The following WNK1 variants were observed in gnomAD, a reference collection of about 807,000 sequenced individuals.
WNK1 encodes the protein serine/threonine-protein kinase WNK1.
WNK1 carries 38 observed loss-of-function variants against 222.8 expected under a neutral mutation model. The ratio of observed to expected loss-of-function variants is 0.17; its 90% confidence interval spans 0.13 to 0.22. WNK1 has a LOEUF of 0.22. WNK1 is among the 10% of genes least tolerant of loss of function. The probability of loss-of-function intolerance (pLI) is 1.00; values close to 1 mark genes in which losing one functional copy is unlikely to be tolerated. For missense variants in WNK1, 2,348 were observed against 2,918.4 expected, an observed-to-expected ratio of 0.80 and a Z score of 4.50; for synonymous variants, 1,090 against 1,092.9, an observed-to-expected ratio of 1.00 and a Z score of 0.05.
Position 896,066 on chromosome 12 carries a change from A to T in WNK1, c.5584-5A>T. The T allele has an allele frequency of 1.2e-6, 2 of 1,614,110 alleles. No individual in the cohort carries two copies. The highest frequency in any genetic ancestry group is 1.7e-6 in the Non-Finnish European group (2 of 1,180,012). On this transcript the variant is annotated splice_region_variant and splice_polypyrimidine_tract_variant and intron_variant, in intron 23 of 27. Coordinates refer to ENST00000315939, the MANE Select transcript of WNK1 (RefSeq NM_018979.4). ...AAGTTTTTAATCTTTGTCCTTTTTTATCAGGTTTCTGTTGCAGCAGACGGT... is the reference window on the plus strand; with the variant it reads ...AAGTTTTTAATCTTTGTCCTTTTTTTTCAGGTTTCTGTTGCAGCAGACGGT...
rs545235475 is a variant in WNK1 at position 845,117 on chromosome 12, G to C, written c.1312-12044G>C. On this transcript the variant is annotated intron_variant, in intron 4 of 27. Transcript: ENST00000315939. ...TCACCGTTTTAGCCGGGATGGTCTC[G>C]ATCTCCTGACCTCGTGATCCGCCCG... Among the ~76,000 whole-genome samples the C allele has an allele frequency of 3.3e-5, 5 of 151,400 alleles. No homozygotes were observed. In the South Asian group the frequency reaches 1.0e-3, roughly 32 times the overall value.
intron 19 of WNK1, 71 bp from the exon 20 acceptor site, chr12:887,150 G>A: frequency 7.6e-7 from 1 of 1,318,210 alleles, no homozygotes; most frequent in Non-Finnish European, 1.1e-6. Context: ...CAAATTAGTT[G>A]ATTTGCTCTT....
At chr12:797,600 C>G (rs1945436450) in intron 1 of WNK1, among the ~76,000 whole-genome samples, 1 of 152,094 alleles carries the variant, frequency 6.6e-6, no homozygotes, top group Non-Finnish European at 1.5e-5. Flanking sequence ...CAAATGCAGA[C>G]AGGTTCTACT....
At position 879,891 on chromosome 12, in the gene WNK1, A is replaced by T. The variant is rs777908830; in HGVS notation, c.2692A>T (p.Thr898Ser). The stretch of plus-strand genomic sequence containing the variant: ...AACTGTGGTTCCTAGTCAGCTTCCA[A>T]CCCTTCTGCAGCCTGTGACTCAGCT... ...VSTVVPSQLP[T>S]LLQPVTQLPS... The change falls in exon 11 of 28, where the codon ACC becomes TCC. Residue 898 changes from threonine to serine, a missense_variant. Thr to Ser is a moderately conservative substitution (Grantham distance 58, BLOSUM62 1). This residue lies in a region of WNK1 where 547 missense variants were observed against 558.3 expected (regional missense o/e 0.98). Coordinates refer to ENST00000315939, the MANE Select transcript of WNK1 (RefSeq NM_018979.4). The T allele has an allele frequency of 3.0e-5, 48 of 1,613,686 alleles. No individual in the cohort carries two copies. Among genetic ancestry groups the T allele is most frequent in the Non-Finnish European group, 4.0e-5 (47 of 1,179,950 alleles).
chr12:891,991 T>A (rs1169564053), intron 22 of WNK1, among the ~76,000 whole-genome samples: 1 of 151,074 alleles, frequency 6.6e-6, no homozygotes, highest in Non-Finnish European at 1.5e-5. Context: ...GCCACAGTTA[T>A]GAATATCTTA....
In WNK1 at chr12:867,939, A is replaced by G. The variant is rs894246062; in HGVS notation, c.2140-3326A>G. 2 of 1,613,870 alleles carry G rather than the reference A, an allele frequency of 1.2e-6. No individual in the cohort carries two copies. Among genetic ancestry groups the G allele is most frequent in the African/African-American group, 2.7e-5 (2 of 74,902 alleles). ...TCACAGATATTTTTCCCAACTATTC[A>G]TGAACGTCCAGTTTCTTTTTCACCA... On this transcript the variant is annotated intron_variant, in intron 8 of 27. Coordinates refer to ENST00000315939, the MANE Select transcript of WNK1 (RefSeq NM_018979.4).
rs1591982296 is a variant in WNK1 at position 845,462 on chromosome 12, G to A, written c.1312-11699G>A. ...AGTAAACCACTCTCCCCCTTCTGTA[G>A]ATTTAGTACTAACTTAGAAAAAGGA... is the stretch of plus-strand genomic sequence containing the variant. On this transcript the variant is annotated intron_variant, in intron 4 of 27. Transcript: ENST00000315939. Among the ~76,000 whole-genome samples the A allele has an allele frequency of 2.0e-5, 3 of 152,208 alleles. No individual in the cohort carries two copies. In the South Asian group the frequency reaches 6.2e-4, roughly 32 times the overall value.
rs539400499 is a variant in WNK1, at chr12:879,455, T to G, written c.2374-118T>G. On this transcript the variant is annotated intron_variant, in intron 10 of 27. Coordinates refer to ENST00000315939, the MANE Select transcript of WNK1 (RefSeq NM_018979.4). ...GTTTTGTTGGTTTGGTGTTTTTTTT[T>G]TTGTTTGTTTTTTCCTTCTTTTTGG... The G allele has an allele frequency of 3.9e-3, 2,776 of 708,508 alleles. 67 individuals are homozygous for G. The highest frequency in any genetic ancestry group is 5.0e-3 in the Non-Finnish European group (2,237 of 448,516). 43.9% of individuals were successfully genotyped at this position (708,508 alleles called of 1,614,324 possible). A position where few individuals can be genotyped will look rare whatever the true frequency, so the allele number is the denominator to read the frequency against.
intron 4 of WNK1, chr12:851,843 T>C: frequency 8.2e-7 from 1 of 1,212,384 alleles, no homozygotes; most frequent in African/African-American, 1.6e-5. Context: ...GTGATATTGG[T>C]AGAAAGTTTC....
chr12:834,784 G>A (rs1158400803), intron 4 of WNK1, among the ~76,000 whole-genome samples: 1 of 152,022 alleles, frequency 6.6e-6, no homozygotes, highest in African/African-American at 2.4e-5. Flanking sequence ...ATCTTCTTGG[G>A]GGGGTGTGTA....
intron 8 of WNK1, among the ~76,000 whole-genome samples, chr12:862,949 C>A (rs1252078380): frequency 6.6e-6 from 1 of 152,194 alleles, no homozygotes; most frequent in Non-Finnish European, 1.5e-5. Flanking sequence ...TACACATACA[C>A]ACACACAATT....
In WNK1 at chr12:884,582, GCAGA is replaced by G. The variant is rs1472188663; in HGVS notation, c.3845-64_3845-61del. 4.7e-6 allele frequency: 7 copies of G among 1,503,384 alleles called. No homozygotes were observed. Among genetic ancestry groups the G allele is most frequent in the South Asian group, 1.1e-5 (1 of 88,490 alleles). The allele number at this position is 1,503,384 out of a possible 1,614,324, so 93.1% of individuals were successfully genotyped here. A position where few individuals can be genotyped will look rare whatever the true frequency, so the allele number is the denominator to read the frequency against. The stretch of plus-strand genomic sequence containing the variant: ...TATTTATAGGAGCTGACTTAGGCTA[GCAGA>G]CAATCTTTTGAATCCATCCTTTTAA... On this transcript the variant is annotated intron_variant, in intron 18 of 27. Coordinates refer to ENST00000315939, the MANE Select transcript of WNK1 (RefSeq NM_018979.4). This position sits in a 1 kb window ranked among gnomAD's most constrained non-coding sequence, Gnocchi z 5.6.
In WNK1 at chr12:820,899, A is replaced by G. The variant is rs148672101; in HGVS notation, c.933-6143A>G. 4.5e-3 allele frequency among the ~76,000 whole-genome samples: 684 copies of G among 152,248 alleles called. 1 individual carries two copies. Among genetic ancestry groups the G allele is most frequent in the Non-Finnish European group, 6.6e-3 (448 of 67,986 alleles). On this transcript the variant is annotated intron_variant, in intron 2 of 27. Coordinates refer to ENST00000315939, the MANE Select transcript of WNK1 (RefSeq NM_018979.4). ...GGCTAGAGCTTGAATTATGATTAGC[A>G]TTGATTATCCTTGTCATATTACTGA...
Position 759,581 on chromosome 12 carries a change from G to A in WNK1, c.759+5257G>A, listed in dbSNP as rs1233006981. On this transcript the variant is annotated intron_variant, in intron 1 of 27. Transcript: ENST00000315939. ...CCTGACCTCGTGATCTGCCCGCCTT[G>A]GCCTCCCAAAGTCCTGGGATTACAG... is the stretch of plus-strand genomic sequence containing the variant. 1.0e-4 allele frequency among the ~76,000 whole-genome samples: 15 copies of A among 147,660 alleles called. 2 individuals carry two copies. The highest frequency in any genetic ancestry group is 2.7e-4 in the Admixed American group (4 of 14,918).
At chr12:840,192 A>G (rs1339373921) in intron 4 of WNK1, among the ~76,000 whole-genome samples, 5 of 151,948 alleles carry the variant, frequency 3.3e-5, no homozygotes, top group East Asian at 1.9e-4. Context: ...CAGTGGTACA[A>G]TCATAGCTCT....
intron 1 of WNK1, among the ~76,000 whole-genome samples, chr12:810,187 C>T (rs1946776121): frequency 6.6e-6 from 1 of 151,436 alleles, no homozygotes; most frequent in Non-Finnish European, 1.5e-5. Context: ...GTGGAGGTTG[C>T]AGTGAGCAGA....
Position 881,741 on chromosome 12 carries a change from C to T in WNK1, c.3161C>T (p.Ala1054Val), listed in dbSNP as rs1024757118. Residue 1054 changes from alanine to valine, a missense_variant, in exon 13 of 28, where the codon GCA becomes GTA. By Grantham distance (64) the Ala-to-Val change is moderately conservative (BLOSUM62 0). Transcript: ENST00000315939. ...QVAPAEPVAV[A>V]QTQATQPTTL... ...GCTCCTGCAGAGCCAGTTGCAGTAG[C>T]ACAGACCCAAGCTACCCAGCCGACC... The T allele has an allele frequency of 1.2e-6, 2 of 1,614,040 alleles. No individual in the cohort carries two copies. The highest frequency in any genetic ancestry group is 2.7e-5 in the African/African-American group (2 of 74,888).
At position 829,987 on chromosome 12, in the gene WNK1, G is replaced by A. The variant is rs72648630; in HGVS notation, c.1154-16G>A. On this transcript the variant is annotated splice_polypyrimidine_tract_variant and intron_variant, in intron 3 of 27. Transcript: ENST00000315939. ...CTTCTGCTCGCATTGAGTCTGAATC[G>A]TTCTTTTAATTTAAGGTACCCCAGA... The A allele has an allele frequency of 1.6e-4, 264 of 1,613,870 alleles. No individual in the cohort carries two copies. The African/African-American group carries it at 3.4e-3, about 21-fold the overall frequency.
chr12:871,941 A>G (rs1017400103), intron 9 of WNK1, among the ~76,000 whole-genome samples: 2 of 152,254 alleles, frequency 1.3e-5, no homozygotes, highest in Admixed American at 6.5e-5. Flanking sequence ...AGAGTATGTC[A>G]TTCCTTTTCT....
Sources: gnomAD v4.1 joint callset for allele counts (sites outside exome capture counted in the v4.1 genomes callset) on GRCh38, gnomAD v4.1.1 for gene constraint, gnomAD v4.1.1 regional missense constraint, Gnocchi (gnomAD v3.1) non-coding constraint, MANE v1.5 for transcripts, NCBI Gene and HGNC (gene_info 2026-07-23, HGNC 2026-07-21) for gene names.